The following GNAL variants were observed in gnomAD, a reference collection of about 807,000 sequenced individuals.
GNAL encodes guanine nucleotide-binding protein G(olf) subunit alpha.
A neutral mutation model predicts 55.1 loss-of-function variants in GNAL; 18 were observed. The observed-to-expected ratio is 0.33, with a 90% CI of 0.23 to 0.48. The LOEUF (loss-of-function observed/expected upper bound fraction) is 0.48. Ranked by LOEUF, GNAL falls within the 20% of genes least tolerant of loss-of-function variation. The pLI is 0.99. For synonymous variants in GNAL, 253 were observed against 237.0 expected, an observed-to-expected ratio of 1.07 and a Z score of -0.62; for missense variants, 412 against 614.1, an observed-to-expected ratio of 0.67 and a Z score of 3.48.
chr18:11,870,723 A>T (rs529867291), intron 9 of GNAL, among the ~76,000 whole-genome samples: 1 of 152,174 alleles, frequency 6.6e-6, no homozygotes, highest in Non-Finnish European at 1.5e-5. Context: ...CAATACATAC[A>T]TATATAGTTA....
chr18:11,767,133 CT>C (rs1260405578), intron 4 of GNAL, among the ~76,000 whole-genome samples: 1 of 152,196 alleles, frequency 6.6e-6, no homozygotes, highest in African/African-American at 2.4e-5. Flanking sequence ...ATATGCCATG[CT>C]TGCACACTTG....
At chr18:11,856,951 T>C (rs2036022224) in intron 5 of GNAL, among the ~76,000 whole-genome samples, 1 of 152,140 alleles carries the variant, frequency 6.6e-6, no homozygotes. Flanking sequence ...AATAAATAGT[T>C]TTTTAAATTT....
chr18:11,788,166 C>G (rs2143406942), intron 4 of GNAL, among the ~76,000 whole-genome samples: 1 of 152,306 alleles, frequency 6.6e-6, no homozygotes, highest in South Asian at 2.1e-4. Context: ...TTGTGCTGTG[C>G]TTCAGAACCA....
Position 11,865,424 on chromosome 18 carries a change from A to C in GNAL, c.851+818A>C, listed in dbSNP as rs115168919. ...TCTTGTCCTCTGAGCCTCAGATGCC[A>C]CCTGTGCTAAGCAAACCCCACAAAT... On this transcript the variant is annotated intron_variant, in intron 7 of 11. Transcript: ENST00000334049. Among the ~76,000 whole-genome samples, 1,163 of 148,898 alleles carry C rather than the reference A, an allele frequency of 7.8e-3. 126 individuals carry two copies. Among genetic ancestry groups the C allele is most frequent in the African/African-American group, 0.029 (1,122 of 38,564 alleles).
At chr18:11,853,982 C>G (rs1218127595) in intron 5 of GNAL, 11 of 165,158 alleles carry the variant, frequency 6.7e-5, no homozygotes. Context: ...ACCACCATGC[C>G]CAGCTAGTTT....
chr18:11,737,554 A>G (rs1200666774), intron 1 of GNAL, among the ~76,000 whole-genome samples: 1 of 151,966 alleles, frequency 6.6e-6, no homozygotes, highest in Non-Finnish European at 1.5e-5. Flanking sequence ...CACTCTCCCC[A>G]TCTCTCCAGT....
chr18:11,848,658 T>C (rs1292811090), intron 5 of GNAL, among the ~76,000 whole-genome samples: 1 of 152,000 alleles, frequency 6.6e-6, no homozygotes, highest in Non-Finnish European at 1.5e-5. Flanking sequence ...GCTTTCCCCA[T>C]GTTGGCCAGG....
At chr18:11,756,890 C>CT (rs2033075142) in intron 4 of GNAL, among the ~76,000 whole-genome samples, 1 of 152,092 alleles carries the variant, frequency 6.6e-6, no homozygotes, top group African/African-American at 2.4e-5. Context: ...CAGTCCAGTA[C>CT]TTTTTTGAGA....
intron 4 of GNAL, among the ~76,000 whole-genome samples, chr18:11,755,456 T>C (rs1050050794): frequency 2.0e-5 from 3 of 152,114 alleles, no homozygotes; most frequent in Non-Finnish European, 4.4e-5. Flanking sequence ...TTTGTATTTT[T>C]AGTAGAGATG....
At chr18:11,832,269 GC>G (rs1295981135) in intron 5 of GNAL, among the ~76,000 whole-genome samples, 3 of 152,140 alleles carry the variant, frequency 2.0e-5, no homozygotes, top group Admixed American at 6.5e-5. Context: ...CACATGATAA[GC>G]TCCTTTAGGG....
At chr18:11,761,917 G>C (rs1442754485) in intron 4 of GNAL, among the ~76,000 whole-genome samples, 1 of 152,152 alleles carries the variant, frequency 6.6e-6, no homozygotes, top group East Asian at 1.9e-4. Flanking sequence ...AATCTTTCTT[G>C]TTCTAATTTG....
At chr18:11,709,472 C>T (rs1450735619) in intron 1 of GNAL, among the ~76,000 whole-genome samples, 1 of 151,794 alleles carries the variant, frequency 6.6e-6, no homozygotes, top group African/African-American at 2.4e-5. Context: ...TTTGTATCTT[C>T]TTTCATTTCT....
chr18:11,732,463 ATCT>A (rs2143446362), intron 1 of GNAL, among the ~76,000 whole-genome samples: 1 of 152,324 alleles, frequency 6.6e-6, no homozygotes, highest in Non-Finnish European at 1.5e-5. Context: ...TTATTTGTAT[ATCT>A]TCTTTAGAGA....
chr18:11,765,382 G>A (rs998576884), intron 4 of GNAL, among the ~76,000 whole-genome samples: 4 of 152,138 alleles, frequency 2.6e-5, no homozygotes, highest in African/African-American at 7.2e-5. Flanking sequence ...TGGAATATCC[G>A]TCACCTCAAA....
chr18:11,824,294 A>G (rs566083656), intron 4 of GNAL, among the ~76,000 whole-genome samples: 1 of 152,142 alleles, frequency 6.6e-6, no homozygotes, highest in South Asian at 2.1e-4. Flanking sequence ...AAGTTACTGA[A>G]TTCTAAATAC....
chr18:11,758,172 A>G (rs2143153667), intron 4 of GNAL, among the ~76,000 whole-genome samples: 1 of 152,330 alleles, frequency 6.6e-6, no homozygotes, highest in South Asian at 2.1e-4. Context: ...GGAACAAAAA[A>G]GGACCAGACC....
chr18:11,765,992 C>G (rs1021578852), intron 4 of GNAL, among the ~76,000 whole-genome samples: 1 of 152,146 alleles, frequency 6.6e-6, no homozygotes, highest in Admixed American at 6.6e-5. Context: ...GCATTTTGTT[C>G]TTATCGTTGC....
At chr18:11,696,195 G>C (rs532205610) in intron 1 of GNAL, among the ~76,000 whole-genome samples, 1 of 152,164 alleles carries the variant, frequency 6.6e-6, no homozygotes, top group South Asian at 2.1e-4. Context: ...TTATGTTTCT[G>C]AACTCACAAA....
chr18:11,856,092 C>A (rs539159368), intron 5 of GNAL, among the ~76,000 whole-genome samples: 1 of 151,482 alleles, frequency 6.6e-6, no homozygotes, highest in Admixed American at 6.5e-5. Flanking sequence ...ACTTCCTCTG[C>A]AAAAACACAA....
Sources: allele counts gnomAD v4.1 joint callset (sites outside exome capture counted in the v4.1 genomes callset), GRCh38; gene constraint gnomAD v4.1.1; transcripts MANE v1.5; gene names NCBI Gene and HGNC (gene_info 2026-07-23, HGNC 2026-07-21).